The following PDE4D variants were observed in gnomAD, a reference collection of about 807,000 sequenced individuals.
The protein encoded by PDE4D is phosphodiesterase 4D.
In PDE4D, 24 loss-of-function variants were observed where a neutral mutation model predicts 87.4. That is an observed-to-expected ratio of 0.27 (90% confidence interval 0.20 to 0.39). The LOEUF (loss-of-function observed/expected upper bound fraction) is 0.39, where lower values mean the gene tolerates loss of function less well. Among genes scored for constraint, PDE4D ranks in the 10% least tolerant of loss-of-function variants. The probability of loss-of-function intolerance (pLI) is 1.00; values close to 1 mark genes in which losing one functional copy is unlikely to be tolerated. For synonymous variants in PDE4D, 384 were observed against 383.2 expected, an observed-to-expected ratio of 1.00 and a Z score of -0.02; for missense variants, 714 against 1,041.0, an observed-to-expected ratio of 0.69 and a Z score of 4.32.
At chr5:60,218,786 CT>C (rs748360960) in intron 1 of PDE4D, among the ~76,000 whole-genome samples, 1 of 152,032 alleles carries the variant, frequency 6.6e-6, no homozygotes, top group Non-Finnish European at 1.5e-5. Flanking sequence ...AATCATCTTT[CT>C]TGATCCACAA....
intron 5 of PDE4D, among the ~76,000 whole-genome samples, chr5:59,081,256 A>T (rs1314611843): frequency 6.6e-6 from 1 of 152,158 alleles, no homozygotes; most frequent in Non-Finnish European, 1.5e-5. Flanking sequence ...ATTTTATGAG[A>T]ACTACAAAAC....
At chr5:60,473,589 T>C (rs1246712408) in intron 1 of PDE4D, among the ~76,000 whole-genome samples, 1 of 152,054 alleles carries the variant, frequency 6.6e-6, no homozygotes, top group Non-Finnish European at 1.5e-5. Flanking sequence ...TTAAAATTAT[T>C]TCAAAAAGTT....
In PDE4D at chr5:58,974,873, C is replaced by G. The variant is rs1434350907; in HGVS notation, c.2221G>C (p.Glu741Gln). ...TCCGTGTCTGACTCACCATCTTCCTCTAAAGTTAGTTCAAACTGGAATTTC... is the reference window on the plus strand; with the variant it reads ...TCCGTGTCTGACTCACCATCTTCCTGTAAAGTTAGTTCAAACTGGAATTTC... ...TEKFQFELTL[E>Q]EDGESDTEKD... The change falls in exon 15 of 15, where the codon GAG becomes CAG. Residue 741 changes from glutamate (E) to glutamine (Q), a missense_variant. Coordinates refer to ENST00000340635, the MANE Select transcript of PDE4D (RefSeq NM_001104631.2). 6.2e-7 allele frequency: 1 copy of G among 1,612,692 alleles called. No individual in the cohort carries two copies. The highest frequency in any genetic ancestry group is 1.1e-5 in the South Asian group (1 of 90,942).
chr5:58,969,608 G>T lies in PDE4D; in HGVS notation c.*5056C>A, dbSNP rs1018541344. 7 of 152,110 alleles carry T rather than the reference G, an allele frequency of 4.6e-5. No homozygotes were observed. The highest frequency in any genetic ancestry group is 2.6e-4 in the Admixed American group (4 of 15,264). 9.4% of individuals were successfully genotyped at this position (152,110 alleles called of 1,614,324 possible). On this transcript the variant is annotated 3_prime_UTR_variant, in exon 15 of 15. Coordinates refer to ENST00000340635, the MANE Select transcript of PDE4D (RefSeq NM_001104631.2). ...CAGGTTCCTGCTTATTTACCCCACT[G>T]AGCTCCTTCATTGTACTGATCACAT... is the stretch of plus-strand genomic sequence containing the variant.
intron 3 of PDE4D, among the ~76,000 whole-genome samples, chr5:59,939,945 T>C (rs1011073761): frequency 7.2e-5 from 11 of 152,188 alleles, no homozygotes; most frequent in African/African-American, 2.7e-4. Context: ...CACCAATTCT[T>C]TGGTATGATC....
At chr5:59,388,794 A>T (rs926936342) in intron 1 of PDE4D, among the ~76,000 whole-genome samples, 5 of 152,108 alleles carry the variant, frequency 3.3e-5, no homozygotes, top group Admixed American at 3.3e-4. Context: ...ATTTTTGTTG[A>T]TGTAAGGAAC....
intron 1 of PDE4D, among the ~76,000 whole-genome samples, chr5:59,818,370 C>G (rs184848415): frequency 1.3e-5 from 2 of 152,174 alleles, no homozygotes; most frequent in East Asian, 3.9e-4. Flanking sequence ...GTGCATGGAC[C>G]CATGCCTGAA....
At chr5:60,463,675 T>C (rs1435734721) in intron 1 of PDE4D, among the ~76,000 whole-genome samples, 2 of 152,232 alleles carry the variant, frequency 1.3e-5, no homozygotes, top group Non-Finnish European at 2.9e-5. Flanking sequence ...CATGCAGTCA[T>C]GCCCTCTTGC....
intron 1 of PDE4D, among the ~76,000 whole-genome samples, chr5:59,579,519 ATAAT>A (rs1318354632): frequency 6.6e-6 from 1 of 152,240 alleles, no homozygotes; most frequent in Non-Finnish European, 1.5e-5. Flanking sequence ...GAAGAAAGTA[ATAAT>A]TATGGCAGCA....
At chr5:59,458,876 T>C (rs190026512) in intron 1 of PDE4D, among the ~76,000 whole-genome samples, 10 of 152,348 alleles carry the variant, frequency 6.6e-5, no homozygotes, top group African/African-American at 2.4e-4. Context: ...CAATCTCATA[T>C]TTTATTGGCA....
At chr5:59,058,493 C>A (rs937096096) in intron 5 of PDE4D, among the ~76,000 whole-genome samples, 1 of 152,150 alleles carries the variant, frequency 6.6e-6, no homozygotes, top group Admixed American at 6.6e-5. Context: ...CCTGGAACTT[C>A]CAAGGTCTAT....
rs544707976 is a variant in PDE4D, at chr5:60,138,401, C to A, written c.42+47156G>T. On this transcript the variant is annotated intron_variant, in intron 2 of 16. Coordinates refer to the PDE4D transcript ENST00000502484. ...GGAGTAGGTTTATTCAATCAATCTT[C>A]TATCTATATAATTTCACTGAACTAT... Among the ~76,000 whole-genome samples, 4 of 152,232 alleles carry A rather than the reference C, an allele frequency of 2.6e-5. No homozygotes were observed. In the East Asian group the frequency reaches 7.7e-4, roughly 29 times the overall value.
chr5:59,024,207 T>TTC (rs996908095), intron 6 of PDE4D, among the ~76,000 whole-genome samples: 3 of 147,362 alleles, frequency 2.0e-5, no homozygotes, highest in Admixed American at 6.8e-5. Flanking sequence ...CTACTTTTTT[T>TTC]TTTTTTTTTT....
In PDE4D at chr5:59,455,167, C is replaced by T. The variant is rs116661937; in HGVS notation, c.456-239199G>A. Among the ~76,000 whole-genome samples, 1,486 of 152,292 alleles carry T rather than the reference C, an allele frequency of 9.8e-3. 11 individuals carry two copies. The highest frequency in any genetic ancestry group is 0.065 in the Middle Eastern group (19 of 294). ...GAACCAATTGTTAACCCCAAGACAA[C>T]GAGGAAAATGTCTCCAGAGCATGTC... On this transcript the variant is annotated intron_variant, in intron 1 of 14. Coordinates refer to ENST00000340635, the MANE Select transcript of PDE4D (RefSeq NM_001104631.2).
chr5:59,639,248 A>G (rs913960849), intron 1 of PDE4D, among the ~76,000 whole-genome samples: 2 of 152,170 alleles, frequency 1.3e-5, no homozygotes, highest in Non-Finnish European at 2.9e-5. Flanking sequence ...TATAATAAAC[A>G]ATATTGTGAT....
chr5:59,743,544 C>A (rs189040864), intron 1 of PDE4D, among the ~76,000 whole-genome samples: 31 of 152,072 alleles, frequency 2.0e-4, no homozygotes, highest in Non-Finnish European at 2.5e-4. Flanking sequence ...TAAGTGTTGA[C>A]AAGAATATGG....
chr5:60,020,719 G>C (rs947296797), intron 2 of PDE4D, among the ~76,000 whole-genome samples: 1 of 152,184 alleles, frequency 6.6e-6, no homozygotes, highest in African/African-American at 2.4e-5. Flanking sequence ...GTTGAATGCA[G>C]CTAGGTTGAT....
intron 1 of PDE4D, among the ~76,000 whole-genome samples, chr5:59,222,369 G>C (rs1430764440): frequency 6.6e-6 from 1 of 152,088 alleles, no homozygotes; most frequent in Non-Finnish European, 1.5e-5. Flanking sequence ...CCTCTCCTGA[G>C]CCAGAGTCCT....
chr5:60,408,661 T>C (rs1741779800), intron 1 of PDE4D, among the ~76,000 whole-genome samples: 1 of 151,162 alleles, frequency 6.6e-6, no homozygotes, highest in Non-Finnish European at 1.5e-5. Flanking sequence ...AGCAGCTAAA[T>C]ATCAAAAAAA....
Sources: allele counts gnomAD v4.1 joint callset (sites outside exome capture counted in the v4.1 genomes callset), GRCh38; gene constraint gnomAD v4.1.1; transcripts MANE v1.5; gene names NCBI Gene and HGNC (gene_info 2026-07-23, HGNC 2026-07-21).